Variants in RNF214 observed in about 807,000 individuals in gnomAD.
RNF214 encodes ring finger protein 214.
A neutral mutation model predicts 75.9 loss-of-function variants in RNF214; 25 were observed. That is an observed-to-expected ratio of 0.33 (90% CI 0.24 to 0.46). RNF214 has a LOEUF of 0.46. Ranked by LOEUF, RNF214 falls within the 20% of genes least tolerant of loss-of-function variation. The pLI is 1.00. For missense variants in RNF214, 725 were observed against 857.5 expected (o/e 0.85, Z 1.93); for synonymous variants, 314 against 308.8 (o/e 1.02, Z -0.18).
intron 6 of RNF214, among the ~76,000 whole-genome samples, chr11:117,278,421 G>T (rs1323328494): frequency 6.6e-6 from 1 of 152,190 alleles, no homozygotes; most frequent in Non-Finnish European, 1.5e-5. Flanking sequence ...ACTGATCTTG[G>T]TAATCCAGGC....
At chr11:117,249,851 T>C (rs1206602698) in intron 6 of RNF214, among the ~76,000 whole-genome samples, 1 of 152,198 alleles carries the variant, frequency 6.6e-6, no homozygotes, top group African/African-American at 2.4e-5. Context: ...TTAACCATAA[T>C]TGCCTCCTTC....
intron 1 of RNF214, among the ~76,000 whole-genome samples, chr11:117,233,388 A>G (rs571721076): frequency 6.6e-6 from 1 of 152,158 alleles, no homozygotes; most frequent in Non-Finnish European, 1.5e-5. Flanking sequence ...ACACAGCCCC[A>G]TCTACCTATC....
In RNF214 at chr11:117,244,726, C is replaced by T. The variant is rs553756795; in HGVS notation, c.819+141C>T. ...TGTCACTCAGGCTGGAATGTGGTAG[C>T]ATAATCTTGGCTCACTGCAGCCTCT... On this transcript the variant is annotated intron_variant, in intron 5 of 14. Transcript: ENST00000300650. 4 of 613,554 alleles carry T rather than the reference C, an allele frequency of 6.5e-6. No homozygotes were observed. The African/African-American group carries it at 7.9e-5, about 12-fold the overall frequency. The allele number at this position is 613,554 out of a possible 1,614,324, so 38.0% of individuals were successfully genotyped here.
chr11:117,280,411 G>T, intron 8 of RNF214, 152 bp downstream of exon 8: 1 of 658,926 alleles, frequency 1.5e-6, no homozygotes. Context: ...CAATTGCTCA[G>T]TGGTTTTTCC....
chr11:117,238,543 T>G, intron 2 of RNF214, 58 bp from the exon 3 acceptor site: 1 of 1,453,818 alleles, frequency 6.9e-7, no homozygotes, highest in South Asian at 1.3e-5. Flanking sequence ...GTTTTGTTCT[T>G]CTAGTAGTTA....
chr11:117,243,980 A>G (rs573533478), intron 4 of RNF214, among the ~76,000 whole-genome samples: 3 of 152,284 alleles, frequency 2.0e-5, no homozygotes, highest in Admixed American at 6.5e-5. Flanking sequence ...GTAAGGAATC[A>G]TGTTCCCGGA....
intron 6 of RNF214, among the ~76,000 whole-genome samples, chr11:117,258,060 A>G (rs2033564991): frequency 6.6e-6 from 1 of 151,682 alleles, no homozygotes; most frequent in South Asian, 2.1e-4. Context: ...GCCTCTATCT[A>G]TTCATCAATC....
intron 5 of RNF214, among the ~76,000 whole-genome samples, chr11:117,245,621 C>T (rs1480343569): frequency 2.6e-5 from 4 of 152,062 alleles, no homozygotes; most frequent in Non-Finnish European, 4.4e-5. Context: ...GGATTACAGG[C>T]GTGAGCCACT....
At chr11:117,285,007 T>A (rs1471312409) in intron 14 of RNF214, 79 bp from the exon 15 acceptor site, 1 of 1,031,094 alleles carries the variant, frequency 9.7e-7, no homozygotes, top group African/African-American at 1.6e-5. Flanking sequence ...TTAGGCCTTG[T>A]TGAACCTTAT....
In RNF214 at chr11:117,244,932, G is replaced by A. The variant is rs905223392; in HGVS notation, c.819+347G>A. Among the ~76,000 whole-genome samples the A allele has an allele frequency of 7.2e-5, 11 of 151,850 alleles. No individual in the cohort carries two copies. In the South Asian group the frequency reaches 2.3e-3, roughly 32 times the overall value. On this transcript the variant is annotated intron_variant, in intron 5 of 14. Coordinates refer to ENST00000300650, the MANE Select transcript of RNF214 (RefSeq NM_207343.4). ...CCACCCGCCTTGGCCTCCGAAAGGAGGCCTTTTTATTTCAGTTAACTCAAA... is the reference window on the plus strand; with the variant it reads ...CCACCCGCCTTGGCCTCCGAAAGGAAGCCTTTTTATTTCAGTTAACTCAAA...
chr11:117,272,405 A>G (rs1245714847), intron 6 of RNF214, among the ~76,000 whole-genome samples: 1 of 152,120 alleles, frequency 6.6e-6, no homozygotes, highest in African/African-American at 2.4e-5. Context: ...ATGGCCACAG[A>G]AAGGGGAACA....
At chr11:117,274,455 T>C (rs1325887142) in intron 6 of RNF214, among the ~76,000 whole-genome samples, 2 of 134,646 alleles carry the variant, frequency 1.5e-5, no homozygotes, top group African/African-American at 5.6e-5. Flanking sequence ...CTCCGCCTCC[T>C]GGGTTCAAGA....
intron 4 of RNF214, among the ~76,000 whole-genome samples, chr11:117,243,131 T>TATTA (rs746556132): frequency 0.012 from 1,720 of 145,152 alleles, 31 homozygotes; most frequent in East Asian, 0.051. Flanking sequence ...GAGCCTTTTT[T>TATTA]ATTAATTAAT....
intron 1 of RNF214, 21 bp from the exon 2 acceptor site, chr11:117,234,246 A>C (rs1270410808): frequency 1.9e-6 from 3 of 1,563,930 alleles, no homozygotes; most frequent in Non-Finnish European, 2.6e-6. Flanking sequence ...TGTAGCCTGT[A>C]ATTTGTTTCT....
chr11:117,233,423 C>CG lies in RNF214; in HGVS notation c.-7+704dup, dbSNP rs3834459. On this transcript the variant is annotated intron_variant, in intron 1 of 14. Transcript: ENST00000300650. The stretch of plus-strand genomic sequence containing the variant: ...CTGCCCTATGCGCTCTTCAGTGTTC[C>CG]GGGGGGGAATACGTGTGATGCTGTT... 2.6e-3 allele frequency among the ~76,000 whole-genome samples: 401 copies of CG among 152,172 alleles called. 12 individuals carry two copies. The South Asian group carries it at 0.049, about 19-fold the overall frequency.
rs751051281 is a variant in RNF214 at position 117,283,110 on chromosome 11, T to C, written c.1951-5T>C. 6.2e-7 allele frequency: 1 copy of C among 1,611,974 alleles called. No homozygotes were observed. Among genetic ancestry groups the C allele is most frequent in the South Asian group, 1.1e-5 (1 of 90,964 alleles). ...CCTTTTGATCATGCCGCCTCTGTTC[T>C]ACAGGCTCCAGCCACCTGTAAGCTA... On this transcript the variant is annotated splice_region_variant and splice_polypyrimidine_tract_variant and intron_variant, in intron 13 of 14. Coordinates refer to ENST00000300650, the MANE Select transcript of RNF214 (RefSeq NM_207343.4).
At chr11:117,269,138 C>T (rs1457889008) in intron 6 of RNF214, among the ~76,000 whole-genome samples, 1 of 152,066 alleles carries the variant, frequency 6.6e-6, no homozygotes, top group African/African-American at 2.4e-5. Flanking sequence ...GGTGCAGTTG[C>T]TCATGCCTGT....
chr11:117,234,535 A>G (rs992327424), intron 2 of RNF214, among the ~76,000 whole-genome samples, 156 bp downstream of exon 2: 7 of 152,234 alleles, frequency 4.6e-5, no homozygotes, highest in African/African-American at 1.7e-4. Flanking sequence ...CTGGTATCCA[A>G]CACAGCACCT....
chr11:117,249,396 A>G (rs1229755422), intron 6 of RNF214, among the ~76,000 whole-genome samples: 1 of 151,908 alleles, frequency 6.6e-6, no homozygotes, highest in East Asian at 1.9e-4. Flanking sequence ...TTTTTCTTTA[A>G]ATGTATATGT....
Sources: gnomAD v4.1 joint callset for allele counts (sites outside exome capture counted in the v4.1 genomes callset) on GRCh38, gnomAD v4.1.1 for gene constraint, MANE v1.5 for transcripts, NCBI Gene and HGNC (gene_info 2026-07-23, HGNC 2026-07-21) for gene names.